The following TIMM44 variants were observed in gnomAD, a reference collection of about 807,000 sequenced individuals.
TIMM44 encodes translocase of inner mitochondrial membrane 44.
TIMM44 carries 37 observed loss-of-function variants against 63.8 expected under a neutral mutation model. The ratio of observed to expected loss-of-function variants is 0.58; its 90% CI spans 0.45 to 0.76. The LOEUF (loss-of-function observed/expected upper bound fraction) is 0.76. Ranked by LOEUF, TIMM44 falls within the 30% of genes least tolerant of loss-of-function variation. The pLI is 0.00. For synonymous variants in TIMM44, 239 were observed against 245.1 expected (o/e 0.98, Z 0.23); for missense variants, 573 against 603.8 (o/e 0.95, Z 0.54).
chr19:7,940,022 A>C (rs554758537), intron 2 of TIMM44, among the ~76,000 whole-genome samples: 1 of 152,286 alleles, frequency 6.6e-6, no homozygotes, highest in South Asian at 2.1e-4. Flanking sequence ...TACCAGCTCC[A>C]GGTGGGATCC....
chr19:7,932,301 A>C, intron 9 of TIMM44: 1 of 396,546 alleles, frequency 2.5e-6, no homozygotes, highest in Non-Finnish European at 4.7e-6. Flanking sequence ...ACTTCTCCCA[A>C]GGGGTGAGGG....
At position 7,933,660 on chromosome 19, in the gene TIMM44, A is replaced by G; in HGVS notation, c.684-90T>C. On this transcript the variant is annotated intron_variant, in intron 6 of 12. Coordinates refer to ENST00000270538, the MANE Select transcript of TIMM44 (RefSeq NM_006351.4). This position sits in a 1 kb window ranked among gnomAD's most constrained non-coding sequence, Gnocchi z 4.3. ...CTGCAGGCAGGGGGCAGTACAGGAC[A>G]GCAGGCAGCTGAGACCTCAAACCTA... 4 of 1,345,072 alleles carry G rather than the reference A, an allele frequency of 3.0e-6. No individual in the cohort carries two copies. Among genetic ancestry groups the G allele is most frequent in the Non-Finnish European group, 4.3e-6 (4 of 938,612 alleles). 83.3% of individuals were successfully genotyped at this position (1,345,072 alleles called of 1,614,324 possible).
intron 10 of TIMM44, among the ~76,000 whole-genome samples, 156 bp downstream of exon 10, chr19:7,930,982 T>C (rs1983962820): frequency 6.6e-6 from 1 of 151,690 alleles, no homozygotes; most frequent in African/African-American, 2.4e-5. Context: ...GGGGGGGATG[T>C]CAGGCTCTCG....
In TIMM44 at chr19:7,933,385, G is replaced by A. The variant is rs1240534135; in HGVS notation, c.769+100C>T. On this transcript the variant is annotated intron_variant, in intron 7 of 12. Transcript: ENST00000270538. The surrounding 1 kb of genome is among the most constrained non-coding windows in gnomAD (Gnocchi z 4.3). Reference sequence around the variant, plus strand: ...CACTCTGACCCCGATCTCCTCCTCTGCAAAACGGGGCTGTCTTGTGCCCAA... The same window carrying A: ...CACTCTGACCCCGATCTCCTCCTCTACAAAACGGGGCTGTCTTGTGCCCAA... The A allele has an allele frequency of 8.3e-6, 9 of 1,078,750 alleles. No homozygotes were observed. The highest frequency in any genetic ancestry group is 3.4e-5 in the Admixed American group (2 of 59,346). The allele number at this position is 1,078,750 out of a possible 1,614,324, so 66.8% of individuals were successfully genotyped here. A position where few individuals can be genotyped will look rare whatever the true frequency, so the allele number is the denominator to read the frequency against.
intron 9 of TIMM44, chr19:7,931,449 A>AC (rs1417460323): frequency 4.0e-6 from 2 of 499,972 alleles, no homozygotes; most frequent in East Asian, 3.5e-5. Flanking sequence ...CCACAGGGGG[A>AC]CCCCCCTGGA....
At position 7,933,873 on chromosome 19, in the gene TIMM44, TCAAA is replaced by T; in HGVS notation, c.670_673del (p.Phe224SerfsTer37). On this transcript the variant is annotated frameshift_variant, in exon 6 of 13. Coordinates refer to ENST00000270538, the MANE Select transcript of TIMM44 (RefSeq NM_006351.4). LOFTEE classifies it high-confidence loss of function. This position sits in a 1 kb window ranked among gnomAD's most constrained non-coding sequence, Gnocchi z 4.3. The stretch of plus-strand genomic sequence containing the variant: ...ACGGGCTGGTACCTACTCGTTTGGC[TCAAA>T]CACTTTCTCCTCCTTGAACTTATCT... 6.2e-7 allele frequency: 1 copy of T among 1,614,120 alleles called. No homozygotes were observed. Among genetic ancestry groups the T allele is most frequent in the South Asian group, 1.1e-5 (1 of 91,088 alleles).
chr19:7,937,019 T>A (rs1325799592), intron 3 of TIMM44, among the ~76,000 whole-genome samples: 1 of 151,476 alleles, frequency 6.6e-6, no homozygotes. Flanking sequence ...GGAGAATCGC[T>A]TGAGCCTAGG....
At position 7,933,869 on chromosome 19, in the gene TIMM44, T is replaced by C. The variant is rs764573878; in HGVS notation, c.678A>G (p.Pro226=). 3 of 1,614,154 alleles carry C rather than the reference T, an allele frequency of 1.9e-6. No individual in the cohort carries two copies. In the East Asian group the frequency reaches 6.7e-5, roughly 36 times the overall value. Residue 226 remains proline (P), a synonymous_variant, in exon 6 of 13, where the codon CCA becomes CCG. Coordinates refer to ENST00000270538, the MANE Select transcript of TIMM44 (RefSeq NM_006351.4). This position sits in a 1 kb window ranked among gnomAD's most constrained non-coding sequence, Gnocchi z 4.3. ...GGCCACGGGCTGGTACCTACTCGTT[T>C]GGCTCAAACACTTTCTCCTCCTTGA... The part of the protein sequence containing the change: ...DKFKEEKVFE[P]NEEALGVVLH...
chr19:7,938,687 G>A (rs1246001202), intron 2 of TIMM44, among the ~76,000 whole-genome samples: 1 of 152,040 alleles, frequency 6.6e-6, no homozygotes, highest in East Asian at 1.9e-4. Flanking sequence ...TGTGCCTTTA[G>A]TCCCAGCTCC....
intron 1 of TIMM44, among the ~76,000 whole-genome samples, chr19:7,942,559 G>A (rs1416790172): frequency 6.6e-6 from 1 of 151,968 alleles, no homozygotes; most frequent in Non-Finnish European, 1.5e-5. Context: ...ACATTTCCTG[G>A]GCCGTTTTTC....
rs573270900 is a variant in TIMM44, at chr19:7,934,930, C to T, written c.393+135G>A. 1.1e-3 allele frequency: 835 copies of T among 780,888 alleles called. 2 individuals carry two copies. Among genetic ancestry groups the T allele is most frequent in the Non-Finnish European group, 1.6e-3 (744 of 456,702 alleles). 48.4% of individuals were successfully genotyped at this position (780,888 alleles called of 1,614,324 possible). A position where few individuals can be genotyped will look rare whatever the true frequency, so the allele number is the denominator to read the frequency against. ...GTGCCGGGAACTCCTGAAACCTTCC[C>T]GAGGGTGGCAGCACGCCCCATGCCA... On this transcript the variant is annotated intron_variant, in intron 4 of 12. Coordinates refer to ENST00000270538, the MANE Select transcript of TIMM44 (RefSeq NM_006351.4). The surrounding 1 kb of genome is among the most constrained non-coding windows in gnomAD (Gnocchi z 5.3).
At position 7,934,254 on chromosome 19, in the gene TIMM44, C is replaced by CA; in HGVS notation, c.394-17dup. 1 of 1,610,384 alleles carries CA rather than the reference C, an allele frequency of 6.2e-7. No individual in the cohort carries two copies. The highest frequency in any genetic ancestry group is 8.5e-7 in the Non-Finnish European group (1 of 1,179,958). ...CGTGAAGGCTCTACTGAGACAGACACAGAGAGGGGGCGTTGGCACCGGCCC... is the reference window on the plus strand; with the variant it reads ...CGTGAAGGCTCTACTGAGACAGACACAAGAGAGGGGGCGTTGGCACCGGCCC... On this transcript the variant is annotated splice_polypyrimidine_tract_variant and intron_variant, in intron 4 of 12. Transcript: ENST00000270538. The surrounding 1 kb of genome is among the most constrained non-coding windows in gnomAD (Gnocchi z 5.3).
chr19:7,927,176 C>G lies in TIMM44; in HGVS notation c.*11G>C, dbSNP rs1039692554. 6.2e-7 allele frequency: 1 copy of G among 1,604,140 alleles called. No individual in the cohort carries two copies. The highest frequency in any genetic ancestry group is 8.5e-7 in the Non-Finnish European group (1 of 1,178,784). ...GACCCAGGCCGGGGCTACCTGGCTC[C>G]GGCACCACACTCAGAGAATCTGCTC... is the stretch of plus-strand genomic sequence containing the variant. On this transcript the variant is annotated 3_prime_UTR_variant, in exon 13 of 13. Transcript: ENST00000270538.
rs984403956 is a variant in TIMM44 at position 7,937,976 on chromosome 19, C to A, written c.312+51G>T. On this transcript the variant is annotated intron_variant, in intron 3 of 12. Transcript: ENST00000270538. ...GAGGTTGCAGTGAGCCGAGATCGCACCACTACTCTCCAGCCTGGGTGAGGG... is the reference window on the plus strand; with the variant it reads ...GAGGTTGCAGTGAGCCGAGATCGCAACACTACTCTCCAGCCTGGGTGAGGG... The A allele has an allele frequency of 1.2e-5, 19 of 1,608,174 alleles. No homozygotes were observed. In the Admixed American group the frequency reaches 3.2e-4, roughly 27 times the overall value.
chr19:7,927,423 G>GC, intron 12 of TIMM44, 117 bp from the exon 13 acceptor site: 1 of 1,288,706 alleles, frequency 7.8e-7, no homozygotes, highest in Non-Finnish European at 1.1e-6. Flanking sequence ...GGGGCTGGGA[G>GC]CAGAGGCCAG....
Position 7,934,391 on chromosome 19 carries a change from C to G in TIMM44, c.394-153G>C, listed in dbSNP as rs1032920602. The G allele has an allele frequency of 6.8e-6, 7 of 1,027,546 alleles. No individual in the cohort carries two copies. Among genetic ancestry groups the G allele is most frequent in the African/African-American group, 1.6e-5 (1 of 63,032 alleles). The allele number at this position is 1,027,546 out of a possible 1,614,324, so 63.7% of individuals were successfully genotyped here. A position where few individuals can be genotyped will look rare whatever the true frequency, so the allele number is the denominator to read the frequency against. On this transcript the variant is annotated intron_variant, in intron 4 of 12. Transcript: ENST00000270538. The surrounding 1 kb of genome is among the most constrained non-coding windows in gnomAD (Gnocchi z 5.3). ...GTGCTCCTGTGGTACGCGGCACCCC[C>G]AGAGCCATGAGCACAACGGCACCCC...
At chr19:7,930,231 G>A (rs1002514178) in intron 10 of TIMM44, among the ~76,000 whole-genome samples, 6 of 151,620 alleles carry the variant, frequency 4.0e-5, no homozygotes, top group African/African-American at 1.5e-4. Flanking sequence ...TTGACCTCGT[G>A]AGCTCAAGTG....
intron 1 of TIMM44, among the ~76,000 whole-genome samples, 190 bp from the exon 2 acceptor site, chr19:7,941,387 A>C (rs1435825050): frequency 6.6e-6 from 1 of 151,314 alleles, no homozygotes; most frequent in Non-Finnish European, 1.5e-5. Context: ...TCCTGGGTTC[A>C]AGCGATTCTC....
In TIMM44 at chr19:7,934,331, C is replaced by T. The variant is rs1222879071; in HGVS notation, c.394-93G>A. 68 of 1,541,506 alleles carry T rather than the reference C, an allele frequency of 4.4e-5. No homozygotes were observed. The highest frequency in any genetic ancestry group is 5.5e-5 in the Non-Finnish European group (62 of 1,129,064). Reference sequence around the variant, plus strand: ...AATGAATTCCTGCCGGAGAGAAGGGCGGATCTGGTTCCCCGAGGCCGGCAG... The same window carrying T: ...AATGAATTCCTGCCGGAGAGAAGGGTGGATCTGGTTCCCCGAGGCCGGCAG... On this transcript the variant is annotated intron_variant, in intron 4 of 12. Transcript: ENST00000270538. This position sits in a 1 kb window ranked among gnomAD's most constrained non-coding sequence, Gnocchi z 5.3.
Sources: gnomAD v4.1 joint callset for allele counts (sites outside exome capture counted in the v4.1 genomes callset) on GRCh38, gnomAD v4.1.1 for gene constraint, Gnocchi (gnomAD v3.1) non-coding constraint, MANE v1.5 for transcripts, NCBI Gene and HGNC (gene_info 2026-07-23, HGNC 2026-07-21) for gene names.